The following PRELID2 variants were observed in gnomAD, a reference collection of about 807,000 sequenced individuals.
PRELID2 encodes the protein PRELI domain-containing protein 2.
Under a neutral mutation model 28.4 loss-of-function variants are expected in PRELID2, and 25 were observed. The observed-to-expected ratio is 0.88, with a 90% CI of 0.64 to 1.23. The LOEUF (loss-of-function observed/expected upper bound fraction) is 1.23. Ranked by LOEUF, PRELID2 falls within the 50% of genes most tolerant of loss-of-function variation. The pLI is 0.00. For synonymous variants in PRELID2, 76 were observed against 71.6 expected (o/e 1.06, Z -0.31); for missense variants, 201 against 214.4 (o/e 0.94, Z 0.39).
chr5:145,503,388 G>A (rs1679576228), intron 1 of PRELID2, among the ~76,000 whole-genome samples: 1 of 152,182 alleles, frequency 6.6e-6, no homozygotes, highest in South Asian at 2.1e-4. Flanking sequence ...AAAATTAAGA[G>A]AAAAACAAAT....
the PRELID2 span, among the ~76,000 whole-genome samples, chr5:145,287,627 T>C: frequency 6.6e-6 from 1 of 152,202 alleles, no homozygotes; most frequent in African/African-American, 2.4e-5. Flanking sequence ...TAGATTTAGA[T>C]TTATACAAAA....
At chr5:145,735,966 C>A (rs1300586676) in intron 1 of PRELID2, among the ~76,000 whole-genome samples, 1 of 151,520 alleles carries the variant, frequency 6.6e-6, no homozygotes, top group African/African-American at 2.4e-5. Context: ...AGAGAAATGC[C>A]AGATTTTGTT....
At chr5:145,698,445 T>C (rs1311140890) in intron 1 of PRELID2, among the ~76,000 whole-genome samples, 1 of 152,230 alleles carries the variant, frequency 6.6e-6, no homozygotes, top group Non-Finnish European at 1.5e-5. Flanking sequence ...TGGGCTGCTA[T>C]AACAAGTACT....
At chr5:145,674,960 T>C (rs1354565685) in intron 1 of PRELID2, among the ~76,000 whole-genome samples, 1 of 151,542 alleles carries the variant, frequency 6.6e-6, no homozygotes. Context: ...ACAATAAATG[T>C]AAGACTACCA....
chr5:145,347,167 T>C, the PRELID2 span, among the ~76,000 whole-genome samples: 3 of 152,128 alleles, frequency 2.0e-5, no homozygotes, highest in Non-Finnish European at 2.9e-5. Context: ...AGAAGGTCAG[T>C]GCATGTTTAT....
chr5:145,427,905 A>C, the PRELID2 span, among the ~76,000 whole-genome samples: 1 of 152,170 alleles, frequency 6.6e-6, no homozygotes, highest in African/African-American at 2.4e-5. Flanking sequence ...CAATAGTGAT[A>C]ATAGATGCCA....
the PRELID2 span, among the ~76,000 whole-genome samples, chr5:145,400,785 C>T: frequency 2.0e-5 from 3 of 152,264 alleles, no homozygotes; most frequent in African/African-American, 4.8e-5. Context: ...CACATTGAGA[C>T]TCTGAAACTC....
At chr5:145,340,544 G>A in the PRELID2 span, among the ~76,000 whole-genome samples, 2 of 152,016 alleles carry the variant, frequency 1.3e-5, no homozygotes, top group Non-Finnish European at 2.9e-5. Flanking sequence ...GTGGTGGGCA[G>A]ATCACTTGAG....
At chr5:145,326,178 T>A in the PRELID2 span, among the ~76,000 whole-genome samples, 1 of 152,088 alleles carries the variant, frequency 6.6e-6, no homozygotes, top group African/African-American at 2.4e-5. Flanking sequence ...CTAATTTTTT[T>A]AATTTTTAGT....
At chr5:145,535,053 A>C (rs1336829219) in intron 1 of PRELID2, among the ~76,000 whole-genome samples, 3 of 151,962 alleles carry the variant, frequency 2.0e-5, no homozygotes, top group African/African-American at 7.2e-5. Context: ...ATTCCACAGA[A>C]TTATAGACCT....
chr5:145,525,295 G>A (rs1752597751), intron 1 of PRELID2, among the ~76,000 whole-genome samples: 2 of 152,136 alleles, frequency 1.3e-5, no homozygotes, highest in Non-Finnish European at 2.9e-5. Context: ...GTTTCTCCTT[G>A]CAATTTGCAG....
chr5:145,542,006 G>A (rs1226991990), intron 1 of PRELID2, among the ~76,000 whole-genome samples: 1 of 152,000 alleles, frequency 6.6e-6, no homozygotes, highest in Non-Finnish European at 1.5e-5. Flanking sequence ...ATATTTTGGG[G>A]TTTGGGGGAA....
chr5:145,655,420 A>G (rs1305185106), intron 1 of PRELID2, among the ~76,000 whole-genome samples: 2 of 152,250 alleles, frequency 1.3e-5, no homozygotes, highest in African/African-American at 4.8e-5. Flanking sequence ...ATGTGGAACC[A>G]AAAAAGAGCC....
the PRELID2 span, among the ~76,000 whole-genome samples, chr5:145,402,670 C>T: frequency 1.3e-5 from 2 of 152,066 alleles, no homozygotes; most frequent in African/African-American, 4.8e-5. Context: ...TATTAGTGTG[C>T]ACCTGATGAG....
the PRELID2 span, among the ~76,000 whole-genome samples, chr5:145,359,324 A>C: frequency 6.6e-6 from 1 of 152,188 alleles, no homozygotes. Context: ...CATTCAATCT[A>C]TCACAGCTGC....
the PRELID2 span, among the ~76,000 whole-genome samples, chr5:145,379,031 G>C: frequency 1.3e-5 from 2 of 151,982 alleles, no homozygotes; most frequent in Non-Finnish European, 2.9e-5. Flanking sequence ...TTGAGGGTTT[G>C]ATTCTCGTAT....
intron 1 of PRELID2, among the ~76,000 whole-genome samples, chr5:145,534,959 A>G (rs1752686791): frequency 6.6e-6 from 1 of 151,960 alleles, no homozygotes; most frequent in Admixed American, 6.6e-5. Context: ...AACATTTGAT[A>G]TTCTTCTAAG....
chr5:145,516,303 CA>C (rs775759132), intron 1 of PRELID2, among the ~76,000 whole-genome samples: 1 of 152,170 alleles, frequency 6.6e-6, no homozygotes, highest in Non-Finnish European at 1.5e-5. Context: ...TCTCAGGATA[CA>C]AAATCAATGT....
chr5:145,473,031 A>T (rs1362707789), intron 2 of PRELID2, among the ~76,000 whole-genome samples: 1 of 152,188 alleles, frequency 6.6e-6, no homozygotes, highest in Admixed American at 6.6e-5. Context: ...TCTGTGCTAA[A>T]TTGTGAAATT....
Sources: gnomAD v4.1 joint callset for allele counts (sites outside exome capture counted in the v4.1 genomes callset) on GRCh38, gnomAD v4.1.1 for gene constraint, MANE v1.5 for transcripts, NCBI Gene and HGNC (gene_info 2026-07-23, HGNC 2026-07-21) for gene names.